AGAP1: variants seen among roughly 807,000 people sequenced by gnomAD.
AGAP1 encodes arf-GAP with GTPase, ANK repeat and PH domain-containing protein 1.
AGAP1 carries 29 observed loss-of-function variants against 105.3 expected under a neutral mutation model. The observed-to-expected ratio is 0.28, with a 90% CI of 0.21 to 0.38. AGAP1 has a LOEUF of 0.38. AGAP1 is among the 10% of genes least tolerant of loss of function. AGAP1 has a pLI of 1.00. For synonymous variants in AGAP1, 509 were observed against 485.9 expected, an observed-to-expected ratio of 1.05 and a Z score of -0.63; for missense variants, 998 against 1,165.1, an observed-to-expected ratio of 0.86 and a Z score of 2.09.
intron 1 of AGAP1, among the ~76,000 whole-genome samples, chr2:235,658,545 T>G (rs1947846008): frequency 6.6e-6 from 1 of 151,802 alleles, no homozygotes. Context: ...TGGAGCAGAG[T>G]GTCCGGGTGA....
chr2:235,503,552 T>C (rs1250267186), intron 1 of AGAP1, among the ~76,000 whole-genome samples: 2 of 152,238 alleles, frequency 1.3e-5, no homozygotes, highest in Non-Finnish European at 2.9e-5. Flanking sequence ...TTGGTGGGAT[T>C]GAGACCACTT....
chr2:235,537,173 A>G (rs558457450), intron 1 of AGAP1, among the ~76,000 whole-genome samples: 2 of 152,332 alleles, frequency 1.3e-5, no homozygotes, highest in East Asian at 1.9e-4. Flanking sequence ...AGTAAAACAT[A>G]CGGTACCACA....
intron 1 of AGAP1, among the ~76,000 whole-genome samples, chr2:235,643,297 G>A (rs1947258813): frequency 6.6e-6 from 1 of 151,852 alleles, no homozygotes; most frequent in African/African-American, 2.4e-5. Flanking sequence ...TGGGTGTGGT[G>A]GCGGGCACCT....
chr2:235,933,657 C>T (rs577055590), intron 12 of AGAP1, among the ~76,000 whole-genome samples: 147 of 151,964 alleles, frequency 9.7e-4, no homozygotes, highest in African/African-American at 3.2e-3. Flanking sequence ...CTCAGGCTCC[C>T]GAGTAGCTGG....
chr2:235,944,504 T>G (rs568777910), intron 12 of AGAP1, among the ~76,000 whole-genome samples: 41 of 152,364 alleles, frequency 2.7e-4, no homozygotes, highest in African/African-American at 8.4e-4. Flanking sequence ...TACAAATTCT[T>G]TATGTACTTC....
rs566508948 is a variant in AGAP1, at chr2:235,727,127, A to G, written c.310+9483A>G. On this transcript the variant is annotated intron_variant, in intron 3 of 17. Coordinates refer to ENST00000304032, the MANE Select transcript of AGAP1 (RefSeq NM_001037131.3). ...CATTTGAGTCAGGTGCTTTTCCCTA[A>G]AACAATCAGTATCACAGGTTGGAGG... Among the ~76,000 whole-genome samples, 182 of 152,276 alleles carry G rather than the reference A, an allele frequency of 1.2e-3. 1 individual carries two copies. Among genetic ancestry groups the G allele is most frequent in the Non-Finnish European group, 2.1e-3 (143 of 68,026 alleles).
Position 236,053,855 on chromosome 2 carries a change from T to C in AGAP1, c.2114+4574T>C, listed in dbSNP as rs1306455509. 7.9e-5 allele frequency among the ~76,000 whole-genome samples: 12 copies of C among 152,290 alleles called. No individual in the cohort carries two copies. The highest frequency in any genetic ancestry group is 2.1e-4 in the South Asian group (1 of 4,834). Reference sequence around the variant, plus strand: ...CAACTGAAATCACCCATTACCTCTTTGATGCCACTTGGAAGGGAACCGAGT... The same window carrying C: ...CAACTGAAATCACCCATTACCTCTTCGATGCCACTTGGAAGGGAACCGAGT... On this transcript the variant is annotated intron_variant, in intron 16 of 17. Coordinates refer to ENST00000304032, the MANE Select transcript of AGAP1 (RefSeq NM_001037131.3). The surrounding 1 kb of genome is among the most constrained non-coding windows in gnomAD (Gnocchi z 4.6).
chr2:235,992,877 C>G lies in AGAP1; in HGVS notation c.1645+24254C>G, dbSNP rs1163964116. On this transcript the variant is annotated intron_variant, in intron 13 of 17. Coordinates refer to ENST00000304032, the MANE Select transcript of AGAP1 (RefSeq NM_001037131.3). This position sits in a 1 kb window ranked among gnomAD's most constrained non-coding sequence, Gnocchi z 4.8. ...TTTGCAGTTGAGCTTGTGTTGGCCT[C>G]TTTCCGTCGTGAACCATGGACGTCT... 6.6e-6 allele frequency among the ~76,000 whole-genome samples: 1 copy of G among 152,170 alleles called. No individual in the cohort carries two copies. Among genetic ancestry groups the G allele is most frequent in the Non-Finnish European group, 1.5e-5 (1 of 68,024 alleles).
rs1306388668 is a variant in AGAP1 at position 236,078,325 on chromosome 2, G to A, written c.2114+29044G>A. Among the ~76,000 whole-genome samples, 3 of 152,082 alleles carry A rather than the reference G, an allele frequency of 2.0e-5. No homozygotes were observed. Among genetic ancestry groups the A allele is most frequent in the African/African-American group, 7.2e-5 (3 of 41,404 alleles). ...TTTGGGCTCTCACCTGATGGGATGA[G>A]GCCCACCTGCTTTCTCAAGGATAAT... On this transcript the variant is annotated intron_variant, in intron 16 of 17. Coordinates refer to ENST00000304032, the MANE Select transcript of AGAP1 (RefSeq NM_001037131.3). The surrounding 1 kb of genome is among the most constrained non-coding windows in gnomAD (Gnocchi z 5.3).
intron 1 of AGAP1, among the ~76,000 whole-genome samples, chr2:235,641,593 C>T (rs6737058): frequency 0.71 from 108,411 of 152,168 alleles, 38,716 homozygotes; most frequent in East Asian, 0.8. Context: ...CTGTGCCTCT[C>T]ACTCAGAACC....
chr2:235,573,601 A>T (rs1944642474), intron 1 of AGAP1, among the ~76,000 whole-genome samples: 1 of 152,214 alleles, frequency 6.6e-6, no homozygotes, highest in Admixed American at 6.5e-5. Context: ...TGTGATATTT[A>T]AGTGATGTGA....
Position 235,698,042 on chromosome 2 carries a change from G to T in AGAP1, c.164-11137G>T, listed in dbSNP as rs150690174. Among the ~76,000 whole-genome samples, 542 of 152,188 alleles carry T rather than the reference G, an allele frequency of 3.6e-3. 3 individuals carry two copies. The highest frequency in any genetic ancestry group is 0.012 in the African/African-American group (503 of 41,512). On this transcript the variant is annotated intron_variant, in intron 1 of 17. Transcript: ENST00000304032. ...TTTTGTGGAAGACAGTTTTTCCAGG[G>T]ACCCAGGGGTCGAGGGAGGGGGGAT...
intron 1 of AGAP1, among the ~76,000 whole-genome samples, chr2:235,649,901 T>C (rs1947524904): frequency 6.6e-6 from 1 of 152,186 alleles, no homozygotes; most frequent in Non-Finnish European, 1.5e-5. Context: ...TACTGTGGAG[T>C]GCCTTTTATA....
intron 16 of AGAP1, among the ~76,000 whole-genome samples, chr2:236,086,452 A>T (rs536436562): frequency 3.1e-4 from 47 of 152,346 alleles, no homozygotes; most frequent in African/African-American, 1.1e-3. Context: ...TATTTTATGT[A>T]ATTTTAAATC....
chr2:235,709,783 C>G (rs2149514086), intron 2 of AGAP1, among the ~76,000 whole-genome samples: 1 of 152,320 alleles, frequency 6.6e-6, no homozygotes, highest in African/African-American at 2.4e-5. Flanking sequence ...TGTAGAGCTT[C>G]AAATTGGCAC....
At position 235,615,430 on chromosome 2, in the gene AGAP1, A is replaced by AT. The variant is rs777158732; in HGVS notation, c.164-93741dup. ...CCATTCTTTACTCACAGCCTGAGCTATTTTTTTTCAAAGCATTATCTCTCT... is the reference window on the plus strand; with the variant it reads ...CCATTCTTTACTCACAGCCTGAGCTATTTTTTTTTCAAAGCATTATCTCTCT... On this transcript the variant is annotated intron_variant, in intron 1 of 17. Coordinates refer to ENST00000304032, the MANE Select transcript of AGAP1 (RefSeq NM_001037131.3). The surrounding 1 kb of genome is among the most constrained non-coding windows in gnomAD (Gnocchi z 5.0). Among the ~76,000 whole-genome samples, 56 of 152,046 alleles carry AT rather than the reference A, an allele frequency of 3.7e-4. No individual in the cohort carries two copies. Among genetic ancestry groups the AT allele is most frequent in the African/African-American group, 1.2e-3 (51 of 41,480 alleles).
At chr2:235,627,958 G>A (rs906159903) in intron 1 of AGAP1, among the ~76,000 whole-genome samples, 4 of 152,144 alleles carry the variant, frequency 2.6e-5, no homozygotes, top group African/African-American at 7.2e-5. Context: ...GAAATGGTGC[G>A]TTTGGTGGAA....
chr2:235,819,635 C>T (rs979114858), intron 9 of AGAP1, among the ~76,000 whole-genome samples: 1 of 152,136 alleles, frequency 6.6e-6, no homozygotes, highest in Admixed American at 6.5e-5. Context: ...TCCAGGTAAA[C>T]CAATGAGATG....
At position 235,971,780 on chromosome 2, in the gene AGAP1, T is replaced by TTGATTGATTG. The variant is rs1559711537; in HGVS notation, c.1645+3157_1645+3158insTGATTGATTG. On this transcript the variant is annotated intron_variant, in intron 13 of 17. Coordinates refer to ENST00000304032, the MANE Select transcript of AGAP1 (RefSeq NM_001037131.3). The surrounding 1 kb of genome is among the most constrained non-coding windows in gnomAD (Gnocchi z 4.8). The stretch of plus-strand genomic sequence containing the variant: ...TTATTTATTTATTTATTTATTTATT[T>TTGATTGATTG]ATTTATTGTATTTTTTGAGACAGGT... 7.4e-6 allele frequency among the ~76,000 whole-genome samples: 1 copy of TTGATTGATTG among 135,370 alleles called. No individual in the cohort carries two copies. The highest frequency in any genetic ancestry group is 2.7e-5 in the African/African-American group (1 of 37,532). 88.8% of individuals were successfully genotyped at this position (135,370 alleles called of 152,430 possible). A position where few individuals can be genotyped will look rare whatever the true frequency, so the allele number is the denominator to read the frequency against.
Sources: allele counts gnomAD v4.1 joint callset (sites outside exome capture counted in the v4.1 genomes callset), GRCh38; gene constraint gnomAD v4.1.1; non-coding constraint Gnocchi (gnomAD v3.1); transcripts MANE v1.5; gene names NCBI Gene and HGNC (gene_info 2026-07-23, HGNC 2026-07-21).